Variants in TRDN observed in about 807,000 individuals in gnomAD.
TRDN encodes the protein triadin in skeletal muscle.
A neutral mutation model predicts 149.7 loss-of-function variants in TRDN; 161 were observed. That is an observed-to-expected ratio of 1.08 (90% CI 0.95 to 1.23). The LOEUF is 1.23. Among genes scored for constraint, TRDN ranks in the 50% most tolerant of loss-of-function variants. The pLI, the probability that TRDN is intolerant of heterozygous loss-of-function variation, is 0.00. For synonymous variants in TRDN, 294 were observed against 250.5 expected, an observed-to-expected ratio of 1.17 and a Z score of -1.64; for missense variants, 896 against 823.5, an observed-to-expected ratio of 1.09 and a Z score of -1.08.
At chr6:123,384,194 T>C (rs1781822984) in intron 14 of TRDN, among the ~76,000 whole-genome samples, 1 of 152,212 alleles carries the variant, frequency 6.6e-6, no homozygotes, top group Non-Finnish European at 1.5e-5. Context: ...AATACAGTTT[T>C]ATATTAACAA....
chr6:123,503,469 T>G (rs1778784483), intron 8 of TRDN: 5 of 985,158 alleles, frequency 5.1e-6, no homozygotes, highest in Admixed American at 6.2e-5. Context: ...TGATTTCGGA[T>G]GCTACCTCCA....
intron 23 of TRDN, among the ~76,000 whole-genome samples, chr6:123,327,976 G>A (rs1011837275): frequency 1.3e-5 from 2 of 151,992 alleles, no homozygotes; most frequent in Admixed American, 6.6e-5. Context: ...TGATTTTTGC[G>A]TTGTTTTGTT....
intron 22 of TRDN, among the ~76,000 whole-genome samples, chr6:123,336,283 C>A (rs2114735208): frequency 6.6e-6 from 1 of 152,074 alleles, no homozygotes; most frequent in East Asian, 1.9e-4. Flanking sequence ...TCCCTATTAC[C>A]CACAGTGTGA....
chr6:123,254,083 C>A (rs1776468913), intron 37 of TRDN, among the ~76,000 whole-genome samples: 1 of 151,968 alleles, frequency 6.6e-6, no homozygotes, highest in African/African-American at 2.4e-5. Flanking sequence ...TTGGGCCTTA[C>A]TAAGAATCAA....
intron 31 of TRDN, 33 bp downstream of exon 31, chr6:123,269,816 T>C: frequency 6.2e-7 from 1 of 1,605,326 alleles, no homozygotes; most frequent in East Asian, 2.2e-5. Flanking sequence ...GGTCAAGCGA[T>C]ATTTCTCAGG....
intron 20 of TRDN, among the ~76,000 whole-genome samples, chr6:123,362,311 T>G (rs1780937041): frequency 6.6e-6 from 1 of 152,168 alleles, no homozygotes; most frequent in Admixed American, 6.5e-5. Context: ...TTTCAAAATT[T>G]TCCTTTATTA....
chr6:123,468,040 C>A (rs1265480822), intron 9 of TRDN, among the ~76,000 whole-genome samples: 2 of 152,038 alleles, frequency 1.3e-5, no homozygotes, highest in African/African-American at 4.8e-5. Context: ...GCACCCAGTG[C>A]ATGGCAGATA....
At chr6:123,242,614 T>A (rs1404628120) in intron 38 of TRDN, among the ~76,000 whole-genome samples, 1 of 152,070 alleles carries the variant, frequency 6.6e-6, no homozygotes, top group Non-Finnish European at 1.5e-5. Flanking sequence ...AGACTTTGAA[T>A]AGATGGTCTA....
At chr6:123,420,792 C>A (rs1394182604) in intron 12 of TRDN, among the ~76,000 whole-genome samples, 2 of 151,858 alleles carry the variant, frequency 1.3e-5, no homozygotes, top group Admixed American at 1.3e-4. Context: ...ACTTTTTTTT[C>A]TCTAGCCTAA....
intron 3 of TRDN, among the ~76,000 whole-genome samples, chr6:123,547,832 C>A (rs1017318716): frequency 6.6e-6 from 1 of 151,986 alleles, no homozygotes. Context: ...TCTTTTCATA[C>A]TCATTCAATG....
At chr6:123,435,939 A>G (rs1186426927) in intron 12 of TRDN, among the ~76,000 whole-genome samples, 1 of 152,018 alleles carries the variant, frequency 6.6e-6, no homozygotes, top group East Asian at 1.9e-4. Flanking sequence ...ACCATTGCAC[A>G]TAAACAAGTT....
chr6:123,577,981 T>C (rs994066117), intron 1 of TRDN, among the ~76,000 whole-genome samples: 1 of 152,048 alleles, frequency 6.6e-6, no homozygotes, highest in African/African-American at 2.4e-5. Context: ...CTTAATGGAG[T>C]TGTTTGTTGT....
intron 10 of TRDN, among the ~76,000 whole-genome samples, chr6:123,462,021 T>A (rs974448595): frequency 6.6e-6 from 1 of 152,210 alleles, no homozygotes; most frequent in Non-Finnish European, 1.5e-5. Context: ...CATTTTAAAT[T>A]AGTTTCAGTT....
At position 123,260,651 on chromosome 6, in the gene TRDN, A is replaced by AG; in HGVS notation, c.1805-14_1805-13insC. On this transcript the variant is annotated splice_polypyrimidine_tract_variant and intron_variant, in intron 33 of 40. Coordinates refer to ENST00000334268, the MANE Select transcript of TRDN (RefSeq NM_006073.4). ...TCTGATGTTCCTTCTTTAGAAAAAA[A>AG]AAAAAAAAGAATGTAGAAAGAAAGG... The AG allele has an allele frequency of 6.8e-7, 1 of 1,460,466 alleles. No individual in the cohort carries two copies. Among genetic ancestry groups the AG allele is most frequent in the Admixed American group, 2.7e-5 (1 of 36,540 alleles). 90.5% of individuals were successfully genotyped at this position (1,460,466 alleles called of 1,614,324 possible). A position where few individuals can be genotyped will look rare whatever the true frequency, so the allele number is the denominator to read the frequency against.
chr6:123,252,492 T>C (rs1776409034), intron 37 of TRDN, 57 bp from the exon 38 acceptor site: 1 of 931,964 alleles, frequency 1.1e-6, no homozygotes, highest in Non-Finnish European at 1.6e-6. Flanking sequence ...AAGGAAATTA[T>C]AAATCAGTGG....
At chr6:123,265,437 T>TA (rs1776908415) in intron 32 of TRDN, 99 bp from the exon 33 acceptor site, 5 of 732,978 alleles carry the variant, frequency 6.8e-6, no homozygotes, top group South Asian at 6.6e-5. Context: ...CTTTTTATTG[T>TA]AAAAATAAGA....
At chr6:123,286,287 C>T (rs1477282853) in intron 24 of TRDN, among the ~76,000 whole-genome samples, 4 of 151,980 alleles carry the variant, frequency 2.6e-5, no homozygotes, top group African/African-American at 9.7e-5. Flanking sequence ...TGCTCATCAA[C>T]CAATGAGTTG....
intron 2 of TRDN, among the ~76,000 whole-genome samples, chr6:123,556,473 G>A (rs1292382812): frequency 6.6e-6 from 1 of 152,212 alleles, no homozygotes; most frequent in South Asian, 2.1e-4. Context: ...TTCCCATGGT[G>A]CTTCTAATAT....
chr6:123,262,351 C>G (rs962321543), intron 33 of TRDN, among the ~76,000 whole-genome samples: 1 of 151,934 alleles, frequency 6.6e-6, no homozygotes, highest in Non-Finnish European at 1.5e-5. Context: ...GAGAGAGACA[C>G]AATTACTGTG....
Sources: allele counts gnomAD v4.1 joint callset (sites outside exome capture counted in the v4.1 genomes callset), GRCh38; gene constraint gnomAD v4.1.1; transcripts MANE v1.5; gene names NCBI Gene and HGNC (gene_info 2026-07-23, HGNC 2026-07-21).